Variants in CYP2U1 observed in about 807,000 individuals in gnomAD.
The protein encoded by CYP2U1 is cytochrome P450 2U1.
Under a neutral mutation model 42.8 loss-of-function variants are expected in CYP2U1, and 28 were observed. The ratio of observed to expected loss-of-function variants is 0.65; its 90% CI spans 0.48 to 0.90. The LOEUF (loss-of-function observed/expected upper bound fraction) is 0.90. Among genes scored for constraint, CYP2U1 ranks in the 40% least tolerant of loss-of-function variants. CYP2U1 has a pLI of 0.00. For synonymous variants in CYP2U1, 296 were observed against 278.9 expected, an observed-to-expected ratio of 1.06 and a Z score of -0.61; for missense variants, 642 against 693.8, an observed-to-expected ratio of 0.93 and a Z score of 0.84.
rs746836401 is a variant in CYP2U1, at chr4:107,945,475, T to C, written c.996T>C (p.Asn332=). The change falls in exon 2 of 5, where the codon AAT becomes AAC. Residue 332 remains asparagine (N), a synonymous_variant. Coordinates refer to ENST00000332884, the MANE Select transcript of CYP2U1 (RefSeq NM_183075.3). ...LLHMEEERKN[N]SNSSFDEEYL... ...ACATGGAAGAGGAGAGGAAAAATAATAGTAACAGCAGTTTTGATGAAGAGT... is the reference window on the plus strand; with the variant it reads ...ACATGGAAGAGGAGAGGAAAAATAACAGTAACAGCAGTTTTGATGAAGAGT... The C allele has an allele frequency of 8.7e-6, 14 of 1,613,942 alleles. No individual in the cohort carries two copies. Among genetic ancestry groups the C allele is most frequent in the Non-Finnish European group, 1.2e-5 (14 of 1,180,012 alleles).
Position 107,950,296 on chromosome 4 carries a change from T to A in CYP2U1, c.1508T>A (p.Met503Lys). 1.2e-6 allele frequency: 2 copies of A among 1,613,970 alleles called. No individual in the cohort carries two copies. The highest frequency in any genetic ancestry group is 1.7e-6 in the Non-Finnish European group (2 of 1,179,974). Residue 503 changes from methionine to lysine, a missense_variant, in exon 5 of 5, where the codon ATG becomes AAG. Met to Lys is a moderately conservative substitution (Grantham distance 95). Transcript: ENST00000332884. ...CTGGCAAAGATGGAATTATTCCTAA[T>A]GTTTGTGAGCCTAATGCAGAGTTTC... ...EQLAKMELFL[M>K]FVSLMQSFAF... is the part of the protein sequence containing the mutation.
rs1246952967 is a variant in CYP2U1, at chr4:107,951,565, G to C, written c.*1142G>C. 2.0e-5 allele frequency: 3 copies of C among 152,332 alleles called. No homozygotes were observed. The highest frequency in any genetic ancestry group is 3.9e-4 in the East Asian group (2 of 5,178). The allele number at this position is 152,332 out of a possible 1,614,324, so 9.4% of individuals were successfully genotyped here. On this transcript the variant is annotated 3_prime_UTR_variant, in exon 5 of 5. Transcript: ENST00000332884. ...ATGATTCTTGGTTATCATAATGATG[G>C]GGGTGCTACTGGCCTTCTGCTGCCA...
At chr4:107,932,502 T>C (rs1360722500) in intron 1 of CYP2U1, among the ~76,000 whole-genome samples, 5 of 152,182 alleles carry the variant, frequency 3.3e-5, no homozygotes, top group Non-Finnish European at 7.3e-5. Flanking sequence ...GCCCCCATGT[T>C]AGAAAGAGGG....
rs1733940181 is a variant in CYP2U1, at chr4:107,952,408, T to C, written c.*1985T>C. The C allele has an allele frequency of 6.6e-6, 1 of 152,248 alleles. No individual in the cohort carries two copies. The highest frequency in any genetic ancestry group is 2.1e-4 in the South Asian group (1 of 4,836). The allele number at this position is 152,248 out of a possible 1,614,324, so 9.4% of individuals were successfully genotyped here. Reference sequence around the variant, plus strand: ...TAGGCCATATCCAGGGACCTCACACTGACTTTCCTAAAGGAGAGAAGCAGC... The same window carrying C: ...TAGGCCATATCCAGGGACCTCACACCGACTTTCCTAAAGGAGAGAAGCAGC... On this transcript the variant is annotated 3_prime_UTR_variant, in exon 5 of 5. Transcript: ENST00000332884.
Position 107,947,522 on chromosome 4 carries a change from A to G in CYP2U1, c.1273A>G (p.Thr425Ala). 1 of 1,613,930 alleles carries G rather than the reference A, an allele frequency of 6.2e-7. No homozygotes were observed. The highest frequency in any genetic ancestry group is 8.5e-7 in the Non-Finnish European group (1 of 1,179,984). Residue 425 changes from threonine to alanine, a missense_variant, in exon 3 of 5, where the codon ACC becomes GCC. By Grantham distance (58) the Thr-to-Ala change is moderately conservative. Transcript: ENST00000332884. Reference sequence around the variant, plus strand: ...GGTGCCGCTTGCCATTCCTCATATGACCTCAGAGAACACAGGCAAGTCCAG... The same window carrying G: ...GGTGCCGCTTGCCATTCCTCATATGGCCTCAGAGAACACAGGCAAGTCCAG... ...VVVPLAIPHMTSENTVLQGYT... is the reference protein window; with the variant it reads ...VVVPLAIPHMASENTVLQGYT...
At chr4:107,937,480 C>T (rs1404475113) in intron 1 of CYP2U1, 1 of 151,430 alleles carries the variant, frequency 6.6e-6, no homozygotes, top group Non-Finnish European at 1.5e-5. Context: ...TTTCATGTAT[C>T]ACCTTCCAGT....
At chr4:107,943,110 C>A (rs1733555918) in intron 1 of CYP2U1, among the ~76,000 whole-genome samples, 2 of 152,216 alleles carry the variant, frequency 1.3e-5, no homozygotes, top group Non-Finnish European at 2.9e-5. Context: ...CTCTGACCCA[C>A]TGGTAACAAT....
intron 1 of CYP2U1, among the ~76,000 whole-genome samples, chr4:107,941,972 A>T (rs1733509987): frequency 6.6e-6 from 1 of 152,248 alleles, no homozygotes. Flanking sequence ...TACGAAACAA[A>T]ATCCAGCAAT....
chr4:107,948,272 A>C (rs867987808), intron 3 of CYP2U1, among the ~76,000 whole-genome samples: 1 of 150,050 alleles, frequency 6.7e-6, no homozygotes, highest in African/African-American at 2.5e-5. Flanking sequence ...AAAAAAAAAA[A>C]AAAAAAAAGG....
In CYP2U1 at chr4:107,945,085, G is replaced by C; in HGVS notation, c.606G>C (p.Glu202Asp). ...KLSLEPKIIE[E>D]FKYVKAEMQK... The stretch of plus-strand genomic sequence containing the variant: ...GCTTGGAGCCCAAGATTATTGAGGA[G>C]TTCAAATATGTGAAAGCAGAAATGC... The change falls in exon 2 of 5, where the codon GAG (glutamate) becomes GAC (aspartate). Residue 202 changes from glutamate (E) to aspartate (D), a missense_variant. By Grantham distance (45) the Glu-to-Asp change is conservative (BLOSUM62 2). Coordinates refer to ENST00000332884, the MANE Select transcript of CYP2U1 (RefSeq NM_183075.3). 1 of 1,613,738 alleles carries C rather than the reference G, an allele frequency of 6.2e-7. No individual in the cohort carries two copies. Among genetic ancestry groups the C allele is most frequent in the Non-Finnish European group, 8.5e-7 (1 of 1,179,966 alleles).
intron 1 of CYP2U1, chr4:107,940,432 A>G (rs1467564703): frequency 1.3e-5 from 2 of 152,084 alleles, no homozygotes; most frequent in African/African-American, 4.8e-5. Flanking sequence ...GTATGTAAAC[A>G]AATTAGTTTT....
intron 1 of CYP2U1, among the ~76,000 whole-genome samples, chr4:107,934,444 T>C (rs1225886182): frequency 6.6e-6 from 1 of 152,190 alleles, no homozygotes; most frequent in East Asian, 1.9e-4. Flanking sequence ...TATTTTTCTT[T>C]TTTTTCTAAA....
At position 107,950,300 on chromosome 4, in the gene CYP2U1, T is replaced by C; in HGVS notation, c.1512T>C (p.Phe504=). Residue 504 remains phenylalanine, a synonymous_variant, in exon 5 of 5, where the codon TTT becomes TTC. Coordinates refer to ENST00000332884, the MANE Select transcript of CYP2U1 (RefSeq NM_183075.3). ...QLAKMELFLM[F]VSLMQSFAFA... is the part of the protein sequence containing the mutation. ...CAAAGATGGAATTATTCCTAATGTTTGTGAGCCTAATGCAGAGTTTCGCAT... is the reference window on the plus strand; with the variant it reads ...CAAAGATGGAATTATTCCTAATGTTCGTGAGCCTAATGCAGAGTTTCGCAT... 6.2e-7 allele frequency: 1 copy of C among 1,614,064 alleles called. No homozygotes were observed. Among genetic ancestry groups the C allele is most frequent in the Non-Finnish European group, 8.5e-7 (1 of 1,179,988 alleles).
Position 107,953,144 on chromosome 4 carries a change from A to G in CYP2U1, c.*2721A>G, listed in dbSNP as rs1263761388. On this transcript the variant is annotated 3_prime_UTR_variant, in exon 5 of 5. Coordinates refer to ENST00000332884, the MANE Select transcript of CYP2U1 (RefSeq NM_183075.3). ...ATATTACTCCTTAAATTATACATGCATTTTCAATATTCCTAACCAAATAGT... is the reference window on the plus strand; with the variant it reads ...ATATTACTCCTTAAATTATACATGCGTTTTCAATATTCCTAACCAAATAGT... 1 of 152,198 alleles carries G rather than the reference A, an allele frequency of 6.6e-6. No homozygotes were observed. Among genetic ancestry groups the G allele is most frequent in the African/African-American group, 2.4e-5 (1 of 41,444 alleles). The allele number at this position is 152,198 out of a possible 1,614,324, so 9.4% of individuals were successfully genotyped here.
chr4:107,944,719 TATA>T (rs1429067323), intron 1 of CYP2U1, among the ~76,000 whole-genome samples: 1 of 150,794 alleles, frequency 6.6e-6, no homozygotes, highest in African/African-American at 2.4e-5. Context: ...AGTTACTAAC[TATA>T]ATAAGCTTTA....
At chr4:107,932,588 A>C (rs964245853) in intron 1 of CYP2U1, among the ~76,000 whole-genome samples, 2 of 152,260 alleles carry the variant, frequency 1.3e-5, no homozygotes, top group Non-Finnish European at 2.9e-5. Context: ...TAAAAAGTCC[A>C]GAAAACACAG....
chr4:107,940,624 C>T (rs1194882243), intron 1 of CYP2U1: 22 of 151,178 alleles, frequency 1.5e-4, no homozygotes, highest in African/African-American at 5.1e-4. Flanking sequence ...TTTTTTTCAA[C>T]CATTTATAAA....
intron 1 of CYP2U1, chr4:107,940,927 T>A (rs551547029): frequency 5.9e-5 from 9 of 152,322 alleles, no homozygotes; most frequent in East Asian, 5.8e-4. Flanking sequence ...TGGATTTTTT[T>A]AATATCCAAT....
intron 1 of CYP2U1, among the ~76,000 whole-genome samples, chr4:107,943,926 T>C (rs1457892524): frequency 6.6e-6 from 1 of 152,166 alleles, no homozygotes; most frequent in Non-Finnish European, 1.5e-5. Flanking sequence ...GGGAGCAATT[T>C]TGTGGGGTTT....
Sources: allele counts gnomAD v4.1 joint callset (sites outside exome capture counted in the v4.1 genomes callset), GRCh38; gene constraint gnomAD v4.1.1; transcripts MANE v1.5; gene names NCBI Gene and HGNC (gene_info 2026-07-23, HGNC 2026-07-21).